The following MYT1L variants were observed in gnomAD, a reference collection of about 807,000 sequenced individuals.
MYT1L encodes myelin transcription factor 1 like, also known as myelin transcription factor 1-like protein.
In MYT1L, 12 loss-of-function variants were observed where a neutral mutation model predicts 126.7. The ratio of observed to expected loss-of-function variants is 0.09; its 90% CI spans 0.06 to 0.15. The LOEUF (loss-of-function observed/expected upper bound fraction) is 0.15. Ranked by LOEUF, MYT1L falls within the 10% of genes least tolerant of loss-of-function variation. The pLI is 1.00. For synonymous variants in MYT1L, 541 were observed against 604.2 expected (o/e 0.90, Z 1.53); for missense variants, 979 against 1,585.2 (o/e 0.62, Z 6.49).
At chr2:2,155,994 T>C (rs1426019678) in intron 3 of MYT1L, among the ~76,000 whole-genome samples, 1 of 152,170 alleles carries the variant, frequency 6.6e-6, no homozygotes, top group African/African-American at 2.4e-5. Context: ...AGTGACCCTA[T>C]AGTGACCCAT....
chr2:2,249,204 T>C (rs1268767435), intron 2 of MYT1L, among the ~76,000 whole-genome samples: 2 of 151,896 alleles, frequency 1.3e-5, no homozygotes, highest in Non-Finnish European at 1.5e-5. Context: ...CACAAATAAG[T>C]TGCATTTTTA....
intron 3 of MYT1L, among the ~76,000 whole-genome samples, chr2:2,076,059 C>T (rs935768010): frequency 6.6e-6 from 1 of 152,124 alleles, no homozygotes; most frequent in African/African-American, 2.4e-5. Context: ...GAAAGACTTA[C>T]CTTCAGGGAA....
At chr2:2,279,508 A>G (rs551996593) in intron 2 of MYT1L, among the ~76,000 whole-genome samples, 42 of 150,780 alleles carry the variant, frequency 2.8e-4, no homozygotes, top group Non-Finnish European at 5.0e-4. Context: ...ATGGAGTAAG[A>G]AGAGAGAAAG....
At chr2:1,935,186 G>T (rs1573733495) in intron 9 of MYT1L, among the ~76,000 whole-genome samples, 1 of 152,040 alleles carries the variant, frequency 6.6e-6, no homozygotes, top group African/African-American at 2.4e-5. Context: ...TTCTAATTCT[G>T]CCCCCTGTAA....
chr2:1,917,171 C>A lies in MYT1L; in HGVS notation c.1618+34G>T, dbSNP rs746275822. The A allele has an allele frequency of 9.0e-5, 144 of 1,594,746 alleles. 2 individuals carry two copies. The Admixed American group carries it at 1.4e-3, about 16-fold the overall frequency. ...ACAGAGACAGAGTCATGGGTGTTTG[C>A]ACCCCCAAGGGTAGCGGTGAGACGT... On this transcript the variant is annotated intron_variant, in intron 11 of 24. Coordinates refer to ENST00000647738, the MANE Select transcript of MYT1L (RefSeq NM_001303052.2). This position sits in a 1 kb window ranked among gnomAD's most constrained non-coding sequence, Gnocchi z 5.9.
intron 13 of MYT1L, among the ~76,000 whole-genome samples, chr2:1,904,601 C>A (rs1022732010): frequency 1.3e-5 from 2 of 151,916 alleles, no homozygotes; most frequent in Non-Finnish European, 2.9e-5. Context: ...AAACTCCTGA[C>A]CTCAAGTTAT....
At chr2:2,225,623 C>A (rs1255830609) in intron 2 of MYT1L, among the ~76,000 whole-genome samples, 1 of 152,138 alleles carries the variant, frequency 6.6e-6, no homozygotes, top group Non-Finnish European at 1.5e-5. Context: ...TGTCCCACAC[C>A]AGCCTCTCCA....
intron 2 of MYT1L, among the ~76,000 whole-genome samples, chr2:2,220,210 G>A (rs1320391288): frequency 1.3e-5 from 2 of 152,198 alleles, no homozygotes; most frequent in Non-Finnish European, 2.9e-5. Flanking sequence ...TGTGCCCAAG[G>A]TGGTCGGGGC....
intron 19 of MYT1L, among the ~76,000 whole-genome samples, chr2:1,845,053 G>A (rs2042317219): frequency 1.3e-5 from 2 of 150,748 alleles, no homozygotes; most frequent in South Asian, 2.1e-4. Context: ...ACCTTGGCTC[G>A]CTGAAGCCTC....
At chr2:1,949,182 A>G (rs1191260441) in intron 8 of MYT1L, among the ~76,000 whole-genome samples, 1 of 152,228 alleles carries the variant, frequency 6.6e-6, no homozygotes, top group African/African-American at 2.4e-5. Context: ...ACAGAAAACC[A>G]TGCTGTCTTA....
chr2:2,193,115 T>C (rs184000223), intron 2 of MYT1L, among the ~76,000 whole-genome samples: 79 of 152,166 alleles, frequency 5.2e-4, no homozygotes, highest in Admixed American at 7.9e-4. Context: ...GTAGCTGGGA[T>C]TATAGGTGCC....
At chr2:2,004,915 C>A (rs1463062963) in intron 4 of MYT1L, among the ~76,000 whole-genome samples, 1 of 151,192 alleles carries the variant, frequency 6.6e-6, no homozygotes, top group African/African-American at 2.4e-5. Flanking sequence ...TGCATGCGTT[C>A]TTTCCTGCAG....
intron 8 of MYT1L, among the ~76,000 whole-genome samples, chr2:1,972,023 CG>C (rs2059847566): frequency 6.6e-6 from 1 of 152,110 alleles, no homozygotes; most frequent in Admixed American, 6.6e-5. Flanking sequence ...AGTACAAGGA[CG>C]GGCGTGCATA....
chr2:1,860,370 C>T (rs1204025292), intron 18 of MYT1L, among the ~76,000 whole-genome samples: 1 of 152,174 alleles, frequency 6.6e-6, no homozygotes, highest in Non-Finnish European at 1.5e-5. Flanking sequence ...AAACGCCACC[C>T]CAGCCTCTCG....
At chr2:2,090,762 C>G (rs1326739744) in intron 3 of MYT1L, among the ~76,000 whole-genome samples, 1 of 152,156 alleles carries the variant, frequency 6.6e-6, no homozygotes, top group Non-Finnish European at 1.5e-5. Flanking sequence ...CCTCTCAAAC[C>G]CTGCTGCTGC....
intron 2 of MYT1L, among the ~76,000 whole-genome samples, chr2:2,214,804 G>A (rs1291486448): frequency 1.3e-5 from 2 of 151,990 alleles, no homozygotes; most frequent in African/African-American, 4.8e-5. Flanking sequence ...GTAACTGTAT[G>A]GATAAATGCA....
chr2:1,839,738 GA>G (rs1013411113), intron 20 of MYT1L, among the ~76,000 whole-genome samples: 1 of 152,172 alleles, frequency 6.6e-6, no homozygotes, highest in South Asian at 2.1e-4. Context: ...TTTTCAGGTG[GA>G]AAAAATGCAA....
intron 2 of MYT1L, among the ~76,000 whole-genome samples, chr2:2,249,370 G>A (rs1387031960): frequency 6.6e-6 from 1 of 151,844 alleles, no homozygotes; most frequent in Non-Finnish European, 1.5e-5. Context: ...ATAAATTGAA[G>A]AGGATACAAA....
chr2:2,288,233 T>C (rs2095551070), intron 1 of MYT1L, among the ~76,000 whole-genome samples: 1 of 152,224 alleles, frequency 6.6e-6, no homozygotes, highest in African/African-American at 2.4e-5. Context: ...CCTGGGAAGA[T>C]ACATCACTGG....
Sources: gnomAD v4.1 joint callset for allele counts (sites outside exome capture counted in the v4.1 genomes callset) on GRCh38, gnomAD v4.1.1 for gene constraint, Gnocchi (gnomAD v3.1) non-coding constraint, MANE v1.5 for transcripts, NCBI Gene and HGNC (gene_info 2026-07-23, HGNC 2026-07-21) for gene names.